The following SGSM1 variants were observed in gnomAD, a reference collection of about 807,000 sequenced individuals.
SGSM1 encodes small G protein signaling modulator 1, also known as RUN and TBC1 domain containing 2.
Under a neutral mutation model 133.8 loss-of-function variants are expected in SGSM1, and 73 were observed. The observed-to-expected ratio is 0.55, with a 90% CI of 0.45 to 0.66. SGSM1 has a LOEUF of 0.66. SGSM1 is among the 30% of genes least tolerant of loss of function. The pLI, the probability that SGSM1 is intolerant of heterozygous loss-of-function variation, is 0.00. For synonymous variants in SGSM1, 563 were observed against 573.0 expected (o/e 0.98, Z 0.25); for missense variants, 1,213 against 1,448.1 (o/e 0.84, Z 2.64).
At chr22:24,827,673 C>T (rs750743792) in intron 2 of SGSM1, among the ~76,000 whole-genome samples, 11 of 152,058 alleles carry the variant, frequency 7.2e-5, no homozygotes, top group Non-Finnish European at 1.0e-4. Context: ...GTGTGTCAGG[C>T]ACCATCTCCA....
rs766170071 is a variant in SGSM1, at chr22:24,855,062, G to A, written c.522G>A (p.Leu174=). 8.1e-6 allele frequency: 13 copies of A among 1,612,716 alleles called. No individual in the cohort carries two copies. The East Asian group carries it at 2.5e-4, about 30-fold the overall frequency. ...PVDGPILASL[L]VGPCALEYTK... is the part of the protein sequence containing the mutation. ...ACGGCCCCATCCTTGCATCTTTGTT[G>A]GGTAAGTTGTCCTGTGTGCTGAGCT... Residue 174 remains leucine, a splice_region_variant and synonymous_variant, in exon 6 of 25, where the codon TTG becomes TTA. Coordinates refer to ENST00000400358, the MANE Select transcript of SGSM1 (RefSeq NM_001098497.3).
At position 24,885,163 on chromosome 22, in the gene SGSM1, G is replaced by A. The variant is rs545595208; in HGVS notation, c.1641+965G>A. Among the ~76,000 whole-genome samples the A allele has an allele frequency of 8.0e-3, 1,210 of 152,168 alleles. 9 individuals carry two copies. The highest frequency in any genetic ancestry group is 0.011 in the Non-Finnish European group (774 of 68,008). ...TTGGTCAGGCTGGTCTCAAACTCCC[G>A]ACCTCAGGTGGTCTGCCCGCCTCAG... On this transcript the variant is annotated intron_variant, in intron 15 of 24. Transcript: ENST00000400358.
chr22:24,833,651 C>T lies in SGSM1; in HGVS notation c.64-11246C>T, dbSNP rs565757700. 5.0e-4 allele frequency among the ~76,000 whole-genome samples: 51 copies of T among 102,934 alleles called. No individual in the cohort carries two copies. In the East Asian group the frequency reaches 6.7e-3, roughly 14 times the overall value. 67.5% of individuals were successfully genotyped at this position (102,934 alleles called of 152,430 possible). On this transcript the variant is annotated intron_variant, in intron 2 of 24. Transcript: ENST00000400358. Reference sequence around the variant, plus strand: ...CCAGCCTGGCGACAGAGCGAGACTCCGTCTCAAAAAAAAAAAAAAGATTTC... The same window carrying T: ...CCAGCCTGGCGACAGAGCGAGACTCTGTCTCAAAAAAAAAAAAAAGATTTC...
At chr22:24,881,202 A>ACAAAAC (rs1932300333) in intron 14 of SGSM1, among the ~76,000 whole-genome samples, 1 of 140,790 alleles carries the variant, frequency 7.1e-6, no homozygotes, top group Non-Finnish European at 1.5e-5. Context: ...CAAAAAAAAA[A>ACAAAAC]AAAAAAAAAA....
At chr22:24,849,292 G>T (rs955554643) in intron 4 of SGSM1, among the ~76,000 whole-genome samples, 1 of 151,430 alleles carries the variant, frequency 6.6e-6, no homozygotes, top group Non-Finnish European at 1.5e-5. Flanking sequence ...GGTGGCTCAT[G>T]CCTGTAGTCC....
intron 2 of SGSM1, among the ~76,000 whole-genome samples, chr22:24,812,992 A>G (rs1455113290): frequency 6.6e-6 from 1 of 152,212 alleles, no homozygotes; most frequent in African/African-American, 2.4e-5. Flanking sequence ...CAAGAGCTCC[A>G]AGGAAAATAA....
At chr22:24,893,130 C>A (rs1932843245) in intron 16 of SGSM1, among the ~76,000 whole-genome samples, 1 of 152,010 alleles carries the variant, frequency 6.6e-6, no homozygotes, top group Non-Finnish European at 1.5e-5. Flanking sequence ...ACTTTTGTAT[C>A]CCCAGGGCCT....
Position 24,854,919 on chromosome 22 carries a change from G to T in SGSM1, c.456-77G>T, listed in dbSNP as rs1930679052. On this transcript the variant is annotated intron_variant, in intron 5 of 24. Transcript: ENST00000400358. ...CTGGGTGGTAACCGAGTGACACTGGGGATTGAACTCTCATCTGTGGATTGT... is the reference window on the plus strand; with the variant it reads ...CTGGGTGGTAACCGAGTGACACTGGTGATTGAACTCTCATCTGTGGATTGT... 2.6e-6 allele frequency: 3 copies of T among 1,172,474 alleles called. No individual in the cohort carries two copies. The Admixed American group carries it at 5.9e-5, about 23-fold the overall frequency. The allele number at this position is 1,172,474 out of a possible 1,614,324, so 72.6% of individuals were successfully genotyped here.
chr22:24,849,710 A>C (rs1319692415), intron 4 of SGSM1, among the ~76,000 whole-genome samples: 1 of 152,314 alleles, frequency 6.6e-6, no homozygotes, highest in South Asian at 2.1e-4. Flanking sequence ...GGCAGGAGGC[A>C]ATGCCCTCGC....
At chr22:24,844,587 G>C (rs139660) in intron 2 of SGSM1, 269,527 of 269,580 alleles carry the variant, frequency 1, 134,737 homozygotes, top group Middle Eastern at 1. Context: ...GGGGATGGGA[G>C]TGGGGAGGGG....
At chr22:24,871,010 C>T (rs1458789231) in intron 12 of SGSM1, among the ~76,000 whole-genome samples, 1 of 152,216 alleles carries the variant, frequency 6.6e-6, no homozygotes, top group Non-Finnish European at 1.5e-5. Flanking sequence ...CTTGAGGAAA[C>T]TCCCAACTAA....
intron 15 of SGSM1, among the ~76,000 whole-genome samples, chr22:24,885,713 C>T (rs939150071): frequency 3.3e-5 from 5 of 152,206 alleles, no homozygotes; most frequent in Non-Finnish European, 5.9e-5. Context: ...TGAGCCACTA[C>T]GCCCAGCTGA....
chr22:24,822,618 G>T (rs529445231), intron 2 of SGSM1, among the ~76,000 whole-genome samples: 1 of 152,212 alleles, frequency 6.6e-6, no homozygotes, highest in Admixed American at 6.5e-5. Context: ...TGCTGGGCAT[G>T]CAGGGAGAGG....
intron 23 of SGSM1, among the ~76,000 whole-genome samples, chr22:24,919,210 A>T (rs1412906791): frequency 2.0e-5 from 3 of 149,858 alleles, no homozygotes; most frequent in Non-Finnish European, 4.4e-5. Context: ...ACCATGCCTG[A>T]CTAATTTTTT....
At chr22:24,917,894 T>A in intron 23 of SGSM1, 140 bp downstream of exon 23, 1 of 628,438 alleles carries the variant, frequency 1.6e-6, no homozygotes, top group Non-Finnish European at 2.8e-6. Context: ...GAGTCCAGAC[T>A]ACCGTTTCAC....
At position 24,855,681 on chromosome 22, in the gene SGSM1, G is replaced by A. The variant is rs1293094617; in HGVS notation, c.801+1G>A. The stretch of plus-strand genomic sequence containing the variant: ...CAAAAACAACGTTCTTGTTCAGCCG[G>A]TGAGAGGTTATCTTGGGCCTAGATC... On this transcript the variant is annotated splice_donor_variant, in intron 8 of 24. Coordinates refer to ENST00000400358, the MANE Select transcript of SGSM1 (RefSeq NM_001098497.3). LOFTEE classifies it high-confidence loss of function. The A allele has an allele frequency of 2.5e-6, 4 of 1,613,844 alleles. No individual in the cohort carries two copies. Among genetic ancestry groups the A allele is most frequent in the Non-Finnish European group, 3.4e-6 (4 of 1,179,900 alleles).
chr22:24,830,368 C>T (rs1929045731), intron 2 of SGSM1, among the ~76,000 whole-genome samples: 1 of 152,192 alleles, frequency 6.6e-6, no homozygotes. Context: ...CAGCCAGCTT[C>T]CTGGCTGTGT....
chr22:24,911,011 T>A (rs1022683359), intron 21 of SGSM1, among the ~76,000 whole-genome samples: 2 of 152,012 alleles, frequency 1.3e-5, no homozygotes, highest in African/African-American at 4.8e-5. Flanking sequence ...CTCAGCACTT[T>A]GGGAGGTGGA....
At chr22:24,836,289 C>CT (rs1362745568) in intron 2 of SGSM1, among the ~76,000 whole-genome samples, 8 of 152,188 alleles carry the variant, frequency 5.3e-5, no homozygotes, top group African/African-American at 1.9e-4. Context: ...AATTTCCTTC[C>CT]TTTTTAAGGC....
Sources: gnomAD v4.1 joint callset for allele counts (sites outside exome capture counted in the v4.1 genomes callset) on GRCh38, gnomAD v4.1.1 for gene constraint, MANE v1.5 for transcripts, NCBI Gene and HGNC (gene_info 2026-07-23, HGNC 2026-07-21) for gene names.